NCKAP5: variants seen among roughly 807,000 people sequenced by gnomAD.
The protein encoded by NCKAP5 is NCK associated protein 5.
Under a neutral mutation model 167.0 loss-of-function variants are expected in NCKAP5, and 92 were observed. That is an observed-to-expected ratio of 0.55 (90% CI 0.47 to 0.66). NCKAP5 has a LOEUF of 0.66. NCKAP5 is among the 30% of genes least tolerant of loss of function. The probability of loss-of-function intolerance (pLI) is 0.00; values close to 1 mark genes in which losing one functional copy is unlikely to be tolerated. For synonymous variants in NCKAP5, 891 were observed against 877.4 expected, an observed-to-expected ratio of 1.02 and a Z score of -0.27; for missense variants, 2,378 against 2,315.0, an observed-to-expected ratio of 1.03 and a Z score of -0.56.
intron 16 of NCKAP5, among the ~76,000 whole-genome samples, chr2:132,744,597 G>A (rs1679485210): frequency 6.7e-6 from 1 of 149,570 alleles, no homozygotes. Context: ...CATAAACTAA[G>A]CAGAAGACAT....
At chr2:132,869,000 C>A (rs1042122418) in intron 9 of NCKAP5, 26 bp from the exon 10 acceptor site, 3 of 1,505,080 alleles carry the variant, frequency 2.0e-6, no homozygotes, top group South Asian at 2.5e-5. Context: ...AAAAAGTTGT[C>A]ATTTATAATA....
chr2:132,908,064 C>T (rs1694142428), intron 8 of NCKAP5, among the ~76,000 whole-genome samples: 2 of 152,148 alleles, frequency 1.3e-5, no homozygotes, highest in Admixed American at 1.3e-4. Context: ...CCTCCTATAC[C>T]TAGACACTTT....
chr2:133,657,086 A>T, the NCKAP5 span, among the ~76,000 whole-genome samples: 1 of 152,318 alleles, frequency 6.6e-6, no homozygotes, highest in East Asian at 1.9e-4. Flanking sequence ...TCAACTGGAG[A>T]TGTCTTTTAT....
intron 3 of NCKAP5, among the ~76,000 whole-genome samples, chr2:133,362,954 G>T (rs1437899699): frequency 6.6e-6 from 1 of 151,180 alleles, no homozygotes; most frequent in Non-Finnish European, 1.5e-5. Context: ...TTTCGGTAGA[G>T]ATGGGGTTTC....
At chr2:133,563,430 G>A (rs1037505398) in intron 1 of NCKAP5, among the ~76,000 whole-genome samples, 8 of 151,978 alleles carry the variant, frequency 5.3e-5, no homozygotes, top group Non-Finnish European at 7.4e-5. Context: ...TTAGCTGGGT[G>A]TGGTGGCACA....
At chr2:133,251,952 G>A (rs143257348) in intron 4 of NCKAP5, among the ~76,000 whole-genome samples, 112 of 152,156 alleles carry the variant, frequency 7.4e-4, no homozygotes, top group Non-Finnish European at 1.4e-3. Context: ...CTGAAACTAT[G>A]AGGAAGTCTC....
intron 5 of NCKAP5, among the ~76,000 whole-genome samples, chr2:133,180,312 T>C (rs2084672644): frequency 6.6e-6 from 1 of 151,476 alleles, no homozygotes; most frequent in African/African-American, 2.4e-5. Context: ...AAAAGAATGA[T>C]TAAAGACGTT....
intron 17 of NCKAP5, among the ~76,000 whole-genome samples, chr2:132,730,262 G>T (rs2105469108): frequency 6.6e-6 from 1 of 152,344 alleles, no homozygotes; most frequent in South Asian, 2.1e-4. Context: ...GGGAGGCCAA[G>T]GCAGGCGGAT....
At chr2:133,105,534 T>G (rs968179849) in intron 6 of NCKAP5, among the ~76,000 whole-genome samples, 1 of 152,208 alleles carries the variant, frequency 6.6e-6, no homozygotes, top group Non-Finnish European at 1.5e-5. Context: ...TTCCCTCTAT[T>G]CCCTTGCCTC....
chr2:132,920,801 A>G (rs189577623), intron 8 of NCKAP5, among the ~76,000 whole-genome samples: 3,374 of 106,516 alleles, frequency 0.032, 580 homozygotes, highest in East Asian at 0.2. Flanking sequence ...ATATATATAT[A>G]TATATATATA....
intron 19 of NCKAP5, among the ~76,000 whole-genome samples, chr2:132,677,679 G>A (rs987972008): frequency 1.3e-5 from 2 of 152,032 alleles, no homozygotes; most frequent in African/African-American, 2.4e-5. Flanking sequence ...GTTGCCCAGA[G>A]GGTCTCTCCC....
At chr2:132,847,402 A>G (rs1223763012) in intron 11 of NCKAP5, among the ~76,000 whole-genome samples, 2 of 152,188 alleles carry the variant, frequency 1.3e-5, no homozygotes, top group African/African-American at 4.8e-5. Context: ...ACAGAGATGA[A>G]ATTACTTGGC....
At chr2:133,358,391 C>T (rs140155583) in intron 3 of NCKAP5, among the ~76,000 whole-genome samples, 70 of 152,186 alleles carry the variant, frequency 4.6e-4, no homozygotes, top group Non-Finnish European at 7.6e-4. Flanking sequence ...ACAGCCTGGC[C>T]AACATAGTGA....
chr2:132,773,960 C>T (rs1397838279), intron 15 of NCKAP5, 66 bp from the exon 16 acceptor site: 2 of 1,338,392 alleles, frequency 1.5e-6, no homozygotes, highest in African/African-American at 2.9e-5. Context: ...TTGCAATCCT[C>T]AGAGTAATGG....
At chr2:133,350,262 A>G (rs1684271090) in intron 3 of NCKAP5, among the ~76,000 whole-genome samples, 1 of 152,126 alleles carries the variant, frequency 6.6e-6, no homozygotes, top group Non-Finnish European at 1.5e-5. Flanking sequence ...AAAGCTTAAA[A>G]GTTAGCTGGG....
At chr2:132,953,217 T>A (rs1029085618) in intron 8 of NCKAP5, among the ~76,000 whole-genome samples, 6 of 152,200 alleles carry the variant, frequency 3.9e-5, no homozygotes, top group African/African-American at 1.4e-4. Context: ...GACAGGCCCA[T>A]GTTCTGAGGG....
intron 3 of NCKAP5, among the ~76,000 whole-genome samples, chr2:133,420,975 T>G (rs1689438365): frequency 6.6e-6 from 1 of 152,182 alleles, no homozygotes; most frequent in Non-Finnish European, 1.5e-5. Flanking sequence ...CTCATGTGAC[T>G]ATTTAATGAT....
chr2:132,850,635 C>T (rs146581578), intron 11 of NCKAP5, among the ~76,000 whole-genome samples: 2 of 152,244 alleles, frequency 1.3e-5, no homozygotes, highest in African/African-American at 2.4e-5. Flanking sequence ...TATTTGACCA[C>T]ACTGGCCTTC....
chr2:133,472,818 C>T (rs922956225), intron 3 of NCKAP5, among the ~76,000 whole-genome samples: 2 of 152,114 alleles, frequency 1.3e-5, no homozygotes, highest in Admixed American at 6.5e-5. Context: ...TAGGAATCTT[C>T]TCTCTCTCTT....
Sources: allele counts gnomAD v4.1 joint callset (sites outside exome capture counted in the v4.1 genomes callset), GRCh38; gene constraint gnomAD v4.1.1; transcripts MANE v1.5; gene names NCBI Gene and HGNC (gene_info 2026-07-23, HGNC 2026-07-21).